Variants in ABCA4 observed in about 807,000 individuals in gnomAD.
ABCA4 encodes the protein retinal-specific phospholipid-transporting ATPase ABCA4.
Under a neutral mutation model 263.7 loss-of-function variants are expected in ABCA4, and 196 were observed. The observed-to-expected ratio is 0.74, with a 90% CI of 0.66 to 0.84. The LOEUF (loss-of-function observed/expected upper bound fraction) is 0.84, where lower values mean the gene tolerates loss of function less well. Ranked by LOEUF, ABCA4 falls within the 40% of genes least tolerant of loss-of-function variation. The pLI, the probability that ABCA4 is intolerant of heterozygous loss-of-function variation, is 0.00. For missense variants in ABCA4, 2,792 were observed against 2,855.1 expected, an observed-to-expected ratio of 0.98 and a Z score of 0.50; for synonymous variants, 1,133 against 1,094.2, an observed-to-expected ratio of 1.04 and a Z score of -0.70.
intron 30 of ABCA4, among the ~76,000 whole-genome samples, chr1:94,026,255 T>A (rs910948198): frequency 2.6e-5 from 4 of 152,324 alleles, no homozygotes; most frequent in Admixed American, 1.3e-4. Flanking sequence ...CTTCTTTAAT[T>A]CACTCTTTTC....
In ABCA4 at chr1:94,120,957, A is replaced by T. The variant is rs565570159; in HGVS notation, c.66+23T>A. On this transcript the variant is annotated intron_variant, in intron 1 of 49. Coordinates refer to ENST00000370225, the MANE Select transcript of ABCA4 (RefSeq NM_000350.3). ...TTTATTTGCTCCACACCTCATTTTT[A>T]AACCACAGACAGTAACTGTTACCTT... The T allele has an allele frequency of 2.5e-5, 33 of 1,314,214 alleles. No individual in the cohort carries two copies. In the South Asian group the frequency reaches 3.8e-4, roughly 15 times the overall value. 81.4% of individuals were successfully genotyped at this position (1,314,214 alleles called of 1,614,324 possible).
At chr1:94,015,937 C>T in intron 36 of ABCA4, 83 bp from the exon 37 acceptor site, 1 of 1,175,546 alleles carries the variant, frequency 8.5e-7, no homozygotes, top group East Asian at 2.5e-5. Flanking sequence ...GGGCCAGGCT[C>T]CTCCAGCTCG....
At chr1:94,095,646 C>A (rs1178938046) in intron 6 of ABCA4, among the ~76,000 whole-genome samples, 1 of 151,970 alleles carries the variant, frequency 6.6e-6, no homozygotes, top group Non-Finnish European at 1.5e-5. Flanking sequence ...TGCCCTGAGC[C>A]TTTCTGGGCC....
At chr1:94,051,096 CT>C (rs1484318043) in intron 17 of ABCA4, among the ~76,000 whole-genome samples, 2 of 152,252 alleles carry the variant, frequency 1.3e-5, no homozygotes, top group East Asian at 3.9e-4. Flanking sequence ...CCCTTTCAGC[CT>C]TTTTCCCCAC....
At chr1:94,050,889 T>C (rs986254734) in intron 17 of ABCA4, among the ~76,000 whole-genome samples, 8 of 152,160 alleles carry the variant, frequency 5.3e-5, no homozygotes, top group African/African-American at 1.9e-4. Context: ...AAAGAATAGG[T>C]AGGTGAGCAA....
intron 44 of ABCA4, among the ~76,000 whole-genome samples, chr1:94,004,808 C>G (rs1196816613): frequency 6.6e-6 from 1 of 152,146 alleles, no homozygotes; most frequent in Non-Finnish European, 1.5e-5. Context: ...TCACCAAATT[C>G]ATTGTTTTCT....
chr1:94,080,381 C>G (rs534170231), intron 8 of ABCA4, 97 bp downstream of exon 8: 1 of 1,545,656 alleles, frequency 6.5e-7, no homozygotes, highest in South Asian at 1.1e-5. Flanking sequence ...CAAGACAAGA[C>G]AGATGCAACC....
chr1:94,067,042 G>A (rs747369328), intron 11 of ABCA4, among the ~76,000 whole-genome samples: 2 of 152,256 alleles, frequency 1.3e-5, no homozygotes, highest in African/African-American at 2.4e-5. Flanking sequence ...TGGCTTGTTC[G>A]CCGTGGTCTC....
rs538694895 is a variant in ABCA4, at chr1:94,091,737, C to T, written c.768+7057G>A. Among the ~76,000 whole-genome samples the T allele has an allele frequency of 3.3e-5, 5 of 152,176 alleles. No individual in the cohort carries two copies. The South Asian group carries it at 6.2e-4, about 19-fold the overall frequency. ...AGCCGAAGTTCAAGGTCAGACTAGACCTCTAAGGAAGATAAGGCTGTGAAG... is the reference window on the plus strand; with the variant it reads ...AGCCGAAGTTCAAGGTCAGACTAGATCTCTAAGGAAGATAAGGCTGTGAAG... On this transcript the variant is annotated intron_variant, in intron 6 of 49. Coordinates refer to ENST00000370225, the MANE Select transcript of ABCA4 (RefSeq NM_000350.3).
At chr1:94,078,819 A>C in intron 9 of ABCA4, 113 bp from the exon 10 acceptor site, 1 of 820,376 alleles carries the variant, frequency 1.2e-6, no homozygotes, top group Non-Finnish European at 2.2e-6. Flanking sequence ...AGGCTTTTCA[A>C]GGAAGTGTTT....
chr1:94,044,806 C>A (rs1660628972), intron 19 of ABCA4, 62 bp from the exon 20 acceptor site: 1 of 1,611,284 alleles, frequency 6.2e-7, no homozygotes, highest in Non-Finnish European at 8.5e-7. Context: ...TTAGGAGGGC[C>A]ACCCCCACAC....
At chr1:94,055,006 T>C in intron 16 of ABCA4, 105 bp downstream of exon 16, 1 of 1,188,422 alleles carries the variant, frequency 8.4e-7, no homozygotes, top group Non-Finnish European at 1.2e-6. Context: ...CAAATGCTGG[T>C]TCTGACAAAG....
rs116708104 is a variant in ABCA4, at chr1:94,086,810, C to T, written c.769-3369G>A. On this transcript the variant is annotated intron_variant, in intron 6 of 49. Coordinates refer to ENST00000370225, the MANE Select transcript of ABCA4 (RefSeq NM_000350.3). ...GGCAGCACTTGGAGAACACCCTGCC[C>T]CAAATGGTGGCTTTGCTTTCCCTAA... Among the ~76,000 whole-genome samples the T allele has an allele frequency of 3.9e-3, 593 of 152,254 alleles. 2 individuals carry two copies. Among genetic ancestry groups the T allele is most frequent in the African/African-American group, 0.013 (554 of 41,530 alleles).
At chr1:94,005,127 C>T (rs1056913767) in intron 44 of ABCA4, among the ~76,000 whole-genome samples, 7 of 152,196 alleles carry the variant, frequency 4.6e-5, no homozygotes, top group Admixed American at 6.5e-5. Flanking sequence ...TCACCTTATA[C>T]ATATTCATTT....
chr1:94,045,504 G>A (rs1040178832), intron 19 of ABCA4, among the ~76,000 whole-genome samples: 9 of 152,132 alleles, frequency 5.9e-5, no homozygotes, highest in African/African-American at 2.2e-4. Flanking sequence ...GTCAGCAGCC[G>A]ATGAAGTAAT....
chr1:94,000,972 C>T, intron 46 of ABCA4, 30 bp downstream of exon 46: 1 of 1,613,834 alleles, frequency 6.2e-7, no homozygotes, highest in Non-Finnish European at 8.5e-7. Flanking sequence ...GGATTCCCAC[C>T]CACCTTCCCC....
At chr1:94,028,930 A>AAAAAAAAAACAAAAC (rs35998587) in intron 30 of ABCA4, among the ~76,000 whole-genome samples, 1 of 108,032 alleles carries the variant, frequency 9.3e-6, no homozygotes, top group Non-Finnish European at 1.8e-5. Context: ...AAAAAAAAAA[A>AAAAAAAAAACAAAAC]GAAATTCAAA....
rs1293572527 is a variant in ABCA4 at position 94,021,272 on chromosome 1, G to C, written c.4986C>G (p.Asn1662Lys). The stretch of plus-strand genomic sequence containing the variant: ...TCTCTGAGAGCTGCTCCTTGGTCAG[G>C]TTCAGGGGTTGGCTAATGACGGTGA... Reference protein sequence around the residue: ...YGITVISQPLNLTKEQLSEIT... With the variant: ...YGITVISQPLKLTKEQLSEIT... Residue 1662 changes from asparagine (N) to lysine (K), a missense_variant, in exon 35 of 50, where the codon AAC (asparagine) becomes AAG (lysine). By Grantham distance (94) the Asn-to-Lys change is moderately conservative. Coordinates refer to ENST00000370225, the MANE Select transcript of ABCA4 (RefSeq NM_000350.3). 1 of 1,614,090 alleles carries C rather than the reference G, an allele frequency of 6.2e-7. No individual in the cohort carries two copies. Among genetic ancestry groups the C allele is most frequent in the Non-Finnish European group, 8.5e-7 (1 of 1,180,054 alleles).
At chr1:94,103,525 G>C (rs1662342944) in intron 4 of ABCA4, among the ~76,000 whole-genome samples, 1 of 152,154 alleles carries the variant, frequency 6.6e-6, no homozygotes, top group South Asian at 2.1e-4. Flanking sequence ...CAACTGGGGA[G>C]GTGCTGGTGG....
Sources: gnomAD v4.1 joint callset for allele counts (sites outside exome capture counted in the v4.1 genomes callset) on GRCh38, gnomAD v4.1.1 for gene constraint, MANE v1.5 for transcripts, NCBI Gene and HGNC (gene_info 2026-07-23, HGNC 2026-07-21) for gene names.